Variants in CD86 observed in about 807,000 individuals in gnomAD.
CD86 encodes CD86 molecule.
Under a neutral mutation model 32.1 loss-of-function variants are expected in CD86, and 11 were observed. That is an observed-to-expected ratio of 0.34 (90% confidence interval 0.22 to 0.57). CD86 has a LOEUF of 0.57. Ranked by LOEUF, CD86 falls within the 20% of genes least tolerant of loss-of-function variation. The pLI, the probability that CD86 is intolerant of heterozygous loss-of-function variation, is 0.86. For missense variants in CD86, 359 were observed against 398.4 expected, an observed-to-expected ratio of 0.90 and a Z score of 0.84; for synonymous variants, 137 against 135.3, an observed-to-expected ratio of 1.01 and a Z score of -0.09.
intron 4 of CD86, among the ~76,000 whole-genome samples, chr3:122,106,797 C>T (rs2073098274): frequency 6.6e-6 from 1 of 150,988 alleles, no homozygotes; most frequent in African/African-American, 2.4e-5. Flanking sequence ...AGGATTCCTC[C>T]AGGCTAGAAT....
intron 1 of CD86, among the ~76,000 whole-genome samples, chr3:122,056,233 C>T (rs1456930048): frequency 1.3e-5 from 2 of 152,118 alleles, no homozygotes; most frequent in African/African-American, 4.8e-5. Context: ...CTTCGTGGTG[C>T]GCCAGAAGGT....
intron 1 of CD86, among the ~76,000 whole-genome samples, chr3:122,090,357 G>A (rs771796329): frequency 2.0e-5 from 3 of 152,338 alleles, no homozygotes; most frequent in East Asian, 1.9e-4. Context: ...AAGAATAGTT[G>A]TGCATCTTTT....
intron 1 of CD86, chr3:122,086,505 T>G (rs1191203131): frequency 2.2e-6 from 1 of 444,602 alleles, no homozygotes; most frequent in Non-Finnish European, 4.6e-6. Context: ...TTCCTTCCTT[T>G]TCTGCCCAAG....
intron 5 of CD86, among the ~76,000 whole-genome samples, chr3:122,110,131 G>A (rs1368373423): frequency 2.0e-5 from 3 of 152,176 alleles, no homozygotes; most frequent in African/African-American, 7.2e-5. Context: ...AATGTAGCAA[G>A]ACAATTTTCA....
intron 4 of CD86, 105 bp from the exon 5 acceptor site, chr3:122,109,160 A>G: frequency 8.3e-7 from 1 of 1,211,248 alleles, no homozygotes; most frequent in Non-Finnish European, 1.2e-6. Flanking sequence ...CTCTGGCCTT[A>G]GAGCCCTGGG....
intron 1 of CD86, chr3:122,086,522 T>C: frequency 2.2e-6 from 1 of 452,266 alleles, no homozygotes; most frequent in Non-Finnish European, 4.5e-6. Context: ...CAAGTAGTCA[T>C]ATTTCCCCAG....
At chr3:122,107,857 T>C (rs2107543248) in intron 4 of CD86, among the ~76,000 whole-genome samples, 1 of 152,344 alleles carries the variant, frequency 6.6e-6, no homozygotes, top group East Asian at 1.9e-4. Flanking sequence ...TACTGACTTC[T>C]TCCTATTCAG....
chr3:122,083,034 G>A (rs1267921386), intron 1 of CD86, among the ~76,000 whole-genome samples: 1 of 152,110 alleles, frequency 6.6e-6, no homozygotes, highest in Non-Finnish European at 1.5e-5. Flanking sequence ...ACCATATCCT[G>A]TTAATTATAA....
chr3:122,118,506 T>C (rs2073291851), intron 6 of CD86, among the ~76,000 whole-genome samples: 2 of 152,252 alleles, frequency 1.3e-5, no homozygotes, highest in African/African-American at 2.4e-5. Context: ...GTATTTGCTA[T>C]GGCCCTGTTT....
chr3:122,117,032 C>T (rs2073264332), intron 5 of CD86, among the ~76,000 whole-genome samples: 1 of 152,034 alleles, frequency 6.6e-6, no homozygotes, highest in African/African-American at 2.4e-5. Flanking sequence ...TTAATTATAC[C>T]TCCATAAAGC....
chr3:122,084,422 C>T (rs79274370), intron 1 of CD86, among the ~76,000 whole-genome samples: 3,581 of 152,302 alleles, frequency 0.024, 141 homozygotes, highest in African/African-American at 0.074. Flanking sequence ...TCTTCCATTG[C>T]ACTGCAAAAG....
chr3:122,093,386 G>A (rs538233345), intron 2 of CD86, among the ~76,000 whole-genome samples: 29 of 152,232 alleles, frequency 1.9e-4, no homozygotes, highest in East Asian at 9.7e-4. Flanking sequence ...ACAGGGGTAC[G>A]TTCTGAGAAA....
chr3:122,079,441 G>A (rs112991263), intron 1 of CD86, among the ~76,000 whole-genome samples: 6,792 of 152,220 alleles, frequency 0.045, 216 homozygotes, highest in South Asian at 0.11. Flanking sequence ...TGAGGTTAGG[G>A]GTCCCTAGGC....
chr3:122,086,737 T>C, intron 1 of CD86: 1 of 398,184 alleles, frequency 2.5e-6, no homozygotes, highest in Non-Finnish European at 5.1e-6. Flanking sequence ...TTGGGGCCCC[T>C]TCTTCTCCCA....
chr3:122,108,271 C>A (rs547069219), intron 4 of CD86, among the ~76,000 whole-genome samples: 6 of 152,190 alleles, frequency 3.9e-5, no homozygotes, highest in Non-Finnish European at 5.9e-5. Context: ...ATAGGTTAGA[C>A]CCTGAGTCAA....
chr3:122,070,207 C>G (rs2072470441), intron 1 of CD86, among the ~76,000 whole-genome samples: 1 of 152,134 alleles, frequency 6.6e-6, no homozygotes, highest in Non-Finnish European at 1.5e-5. Flanking sequence ...GACATCTAGA[C>G]AAAAATGTGT....
At chr3:122,108,831 G>A (rs1395242494) in intron 4 of CD86, among the ~76,000 whole-genome samples, 12 of 152,182 alleles carry the variant, frequency 7.9e-5, no homozygotes, top group Non-Finnish European at 2.9e-5. Flanking sequence ...GAGGTGTCTG[G>A]AGATTATAGT....
At chr3:122,119,058 T>C (rs1430757579) in intron 6 of CD86, among the ~76,000 whole-genome samples, 1 of 152,004 alleles carries the variant, frequency 6.6e-6, no homozygotes, top group Non-Finnish European at 1.5e-5. Flanking sequence ...CTAATCCAGA[T>C]ATACCAGCCA....
chr3:122,082,976 T>C (rs2072655478), intron 1 of CD86, among the ~76,000 whole-genome samples: 1 of 152,244 alleles, frequency 6.6e-6, no homozygotes, highest in South Asian at 2.1e-4. Flanking sequence ...AATGAATAAA[T>C]GAATAAATCA....
Sources: gnomAD v4.1 joint callset for allele counts (sites outside exome capture counted in the v4.1 genomes callset) on GRCh38, gnomAD v4.1.1 for gene constraint, MANE v1.5 for transcripts, NCBI Gene and HGNC (gene_info 2026-07-23, HGNC 2026-07-21) for gene names.